The following DMXL2 variants were observed in gnomAD, a reference collection of about 807,000 sequenced individuals.
DMXL2 encodes Dmx like 2, also known as dmX-like protein 2.
In DMXL2, 103 loss-of-function variants were observed where a neutral mutation model predicts 331.1. That is an observed-to-expected ratio of 0.31 (90% CI 0.27 to 0.37). The LOEUF (loss-of-function observed/expected upper bound fraction) is 0.37. Among genes scored for constraint, DMXL2 ranks in the 10% least tolerant of loss-of-function variants. The pLI is 1.00. For missense variants in DMXL2, 3,171 were observed against 3,642.9 expected, an observed-to-expected ratio of 0.87 and a Z score of 3.33; for synonymous variants, 1,281 against 1,252.1, an observed-to-expected ratio of 1.02 and a Z score of -0.49.
chr15:51,539,874 T>G (rs1464926336), intron 9 of DMXL2, among the ~76,000 whole-genome samples: 1 of 152,202 alleles, frequency 6.6e-6, no homozygotes, highest in African/African-American at 2.4e-5. Context: ...AAGGAAAAAT[T>G]GTCCTTTGCA....
rs2048839444 is a variant in DMXL2 at position 51,545,496 on chromosome 15, T to C, written c.930+87A>G. On this transcript the variant is annotated intron_variant, in intron 8 of 43. Coordinates refer to ENST00000560891, the MANE Select transcript of DMXL2 (RefSeq NM_001378457.1). ...TTAATTTCACTCATTACATGTACCA[T>C]GTGTGCCATCTGCATGTTAGTTCAT... The C allele has an allele frequency of 5.2e-6, 6 of 1,143,984 alleles. No individual in the cohort carries two copies. The East Asian group carries it at 9.4e-5, about 18-fold the overall frequency. The allele number at this position is 1,143,984 out of a possible 1,614,324, so 70.9% of individuals were successfully genotyped here. A position where few individuals can be genotyped will look rare whatever the true frequency, so the allele number is the denominator to read the frequency against.
chr15:51,510,804 T>C (rs971292967), intron 15 of DMXL2, among the ~76,000 whole-genome samples: 5 of 152,110 alleles, frequency 3.3e-5, no homozygotes, highest in African/African-American at 9.7e-5. Context: ...ACTACAAGGC[T>C]ACAGTAACAA....
chr15:51,457,894 T>TA (rs1404642865), intron 36 of DMXL2: 1 of 157,378 alleles, frequency 6.4e-6, no homozygotes, highest in East Asian at 1.9e-4. Flanking sequence ...CTCTGAAATG[T>TA]GATATTAAAT....
chr15:51,452,934 G>A (rs2039279019), intron 41 of DMXL2, among the ~76,000 whole-genome samples: 1 of 152,166 alleles, frequency 6.6e-6, no homozygotes, highest in South Asian at 2.1e-4. Flanking sequence ...ATCACATTTT[G>A]CAGCAACCCA....
At chr15:51,564,717 T>G (rs1262963185) in intron 4 of DMXL2, among the ~76,000 whole-genome samples, 2 of 152,134 alleles carry the variant, frequency 1.3e-5, no homozygotes, top group Admixed American at 1.3e-4. Flanking sequence ...AAATTCCTAA[T>G]TTTTCAAAAT....
intron 36 of DMXL2, chr15:51,458,122 T>C: frequency 6.0e-6 from 1 of 167,548 alleles, no homozygotes; most frequent in South Asian, 1.5e-4. Context: ...GTCTACATTT[T>C]TATGTTTAAG....
intron 2 of DMXL2, among the ~76,000 whole-genome samples, chr15:51,575,341 T>A (rs1376072892): frequency 6.6e-6 from 1 of 152,138 alleles, no homozygotes; most frequent in Non-Finnish European, 1.5e-5. Flanking sequence ...TAAGATTGTT[T>A]AAACTGTTAC....
chr15:51,448,609 T>G lies in DMXL2; in HGVS notation c.*375A>C, dbSNP rs1357326055. 3.6e-6 allele frequency: 1 copy of G among 274,198 alleles called. No individual in the cohort carries two copies. Among genetic ancestry groups the G allele is most frequent in the Non-Finnish European group, 7.1e-6 (1 of 140,490 alleles). The allele number at this position is 274,198 out of a possible 1,614,324, so 17.0% of individuals were successfully genotyped here. A position where few individuals can be genotyped will look rare whatever the true frequency, so the allele number is the denominator to read the frequency against. On this transcript the variant is annotated 3_prime_UTR_variant, in exon 44 of 44. Transcript: ENST00000560891. ...GGAGGAGACTGCAGGCATGCTTCAG[T>G]CAGTGGTAAGAACAGGAAGAAAAAC...
intron 1 of DMXL2, among the ~76,000 whole-genome samples, chr15:51,620,886 G>A (rs1316541909): frequency 6.6e-6 from 1 of 152,144 alleles, no homozygotes; most frequent in Non-Finnish European, 1.5e-5. Context: ...GGCTGCATCT[G>A]AACCCGTTTA....
chr15:51,459,536 G>T (rs1410700985), intron 34 of DMXL2, 62 bp downstream of exon 34: 1 of 1,257,934 alleles, frequency 7.9e-7, no homozygotes, highest in East Asian at 5.6e-5. Context: ...TAGTATCAGA[G>T]ATGAGGCGTT....
In DMXL2 at chr15:51,622,460, G is replaced by A. The variant is rs757153555; in HGVS notation, c.86C>T (p.Thr29Met). Residue 29 changes from threonine (T) to methionine (M), a missense_variant and splice_region_variant, in exon 1 of 44, where the codon ACG (threonine) becomes ATG (methionine). By Grantham distance (81) the Thr-to-Met change is moderately conservative. This residue lies in a region of DMXL2 where 1,674 missense variants were observed against 1,780.2 expected (regional missense o/e 0.94). Coordinates refer to ENST00000560891, the MANE Select transcript of DMXL2 (RefSeq NM_001378457.1). ...CTAGGGCTCCCGGCCGCCGCTCACC[G>A]TGAAGGGGACATCCCCGACGCTGCC... Reference protein sequence around the residue: ...SVGSVGDVPFTAYGSGCDIVI... With the variant: ...SVGSVGDVPFMAYGSGCDIVI... The A allele has an allele frequency of 6.4e-7, 1 of 1,561,592 alleles. No homozygotes were observed. Among genetic ancestry groups the A allele is most frequent in the Non-Finnish European group, 8.7e-7 (1 of 1,152,492 alleles).
At chr15:51,551,329 C>T (rs2049208462) in intron 6 of DMXL2, among the ~76,000 whole-genome samples, 3 of 152,006 alleles carry the variant, frequency 2.0e-5, no homozygotes, top group South Asian at 2.1e-4. Context: ...ATATAAGCAG[C>T]TTAGGGAGAC....
At position 51,453,400 on chromosome 15, in the gene DMXL2, G is replaced by A. The variant is rs1004457310; in HGVS notation, c.8696+150C>T. 7.0e-5 allele frequency: 37 copies of A among 526,300 alleles called. No individual in the cohort carries two copies. In the South Asian group the frequency reaches 1.4e-3, roughly 20 times the overall value. 32.6% of individuals were successfully genotyped at this position (526,300 alleles called of 1,614,324 possible). On this transcript the variant is annotated intron_variant, in intron 41 of 43. Coordinates refer to ENST00000560891, the MANE Select transcript of DMXL2 (RefSeq NM_001378457.1). Reference sequence around the variant, plus strand: ...ATTTTTGCTTTTCTCTTTTTGGTAAGAAAAAACACTCTGAAATAAGAATTA... The same window carrying A: ...ATTTTTGCTTTTCTCTTTTTGGTAAAAAAAAACACTCTGAAATAAGAATTA...
At chr15:51,456,414 A>G (rs2039629056) in intron 37 of DMXL2, 45 bp from the exon 38 acceptor site, 2 of 1,107,830 alleles carry the variant, frequency 1.8e-6, no homozygotes, top group Non-Finnish European at 2.6e-6. Context: ...TATGCAGAAA[A>G]GATGAGGAAG....
Position 51,487,962 on chromosome 15 carries a change from C to T in DMXL2, c.5209G>A (p.Ala1737Thr), listed in dbSNP as rs1216193342. ...TGTTTTCTTATTTATACCTCTATGG[C>T]ATCTTTCAATGAACCAGCTAGCAAG... Reference protein sequence around the residue: ...FFLLAGSLKDAIEVCLEKMED... With the variant: ...FFLLAGSLKDTIEVCLEKMED... Residue 1737 changes from alanine (A) to threonine (T), a missense_variant, in exon 22 of 44, where the codon GCC (alanine) becomes ACC (threonine). By Grantham distance (58) the Ala-to-Thr change is moderately conservative. This residue lies in a region of DMXL2 where 252 missense variants were observed against 387.4 expected (regional missense o/e 0.65). Transcript: ENST00000560891. The T allele has an allele frequency of 1.9e-6, 3 of 1,607,846 alleles. No individual in the cohort carries two copies. Among genetic ancestry groups the T allele is most frequent in the South Asian group, 1.1e-5 (1 of 89,934 alleles).
chr15:51,576,032 C>G, intron 2 of DMXL2, 24 bp downstream of exon 2: 2 of 1,581,902 alleles, frequency 1.3e-6, no homozygotes, highest in Non-Finnish European at 1.7e-6. Flanking sequence ...AAATGACATT[C>G]AGTAAAGAAA....
In DMXL2 at chr15:51,559,552, C is replaced by CA. The variant is rs1039773200; in HGVS notation, c.567+3828dup. Among the ~76,000 whole-genome samples the CA allele has an allele frequency of 1.3e-3, 200 of 149,980 alleles. 1 individual carries two copies. Among genetic ancestry groups the CA allele is most frequent in the East Asian group, 6.8e-3 (35 of 5,128 alleles). On this transcript the variant is annotated intron_variant, in intron 6 of 43. Transcript: ENST00000560891. The stretch of plus-strand genomic sequence containing the variant: ...CAACATAAGGAGATAACAACTCTAC[C>CA]AAAAAAAAATAGATAAAACTTAGCC...
Position 51,499,069 on chromosome 15 carries a change from A to G in DMXL2, c.4155T>C (p.Pro1385=). ...GTCGCTTAGTTCCTTCTCCAGCATCAGGATCTCTAACTATTGCTACTTCAC... is the reference window on the plus strand; with the variant it reads ...GTCGCTTAGTTCCTTCTCCAGCATCGGGATCTCTAACTATTGCTACTTCAC... The part of the protein sequence containing the change: ...IAGEVAIVRD[P]DAGEGTKRHL... Residue 1385 remains proline (P), a synonymous_variant, in exon 18 of 44, where the codon CCT becomes CCC. Transcript: ENST00000560891. 1.9e-6 allele frequency: 3 copies of G among 1,614,034 alleles called. No individual in the cohort carries two copies. Among genetic ancestry groups the G allele is most frequent in the Non-Finnish European group, 2.5e-6 (3 of 1,180,032 alleles).
chr15:51,565,966 G>C (rs1305478971), intron 3 of DMXL2, among the ~76,000 whole-genome samples: 3 of 152,130 alleles, frequency 2.0e-5, no homozygotes, highest in Non-Finnish European at 4.4e-5. Context: ...CCAACAGTTT[G>C]GGAGGCCATG....
Sources: allele counts gnomAD v4.1 joint callset (sites outside exome capture counted in the v4.1 genomes callset), GRCh38; gene constraint gnomAD v4.1.1; regional missense constraint gnomAD v4.1.1; transcripts MANE v1.5; gene names NCBI Gene and HGNC (gene_info 2026-07-23, HGNC 2026-07-21).